Variants in EPHA3 observed in about 807,000 individuals in gnomAD.
The protein encoded by EPHA3 is EPH receptor A3, also known as ephrin type-A receptor 3.
Under a neutral mutation model 107.1 loss-of-function variants are expected in EPHA3, and 42 were observed. That is an observed-to-expected ratio of 0.39 (90% CI 0.31 to 0.51). The LOEUF is 0.51. Ranked by LOEUF, EPHA3 falls within the 20% of genes least tolerant of loss-of-function variation. The pLI is 0.78. For missense variants in EPHA3, 1,183 were observed against 1,211.2 expected, an observed-to-expected ratio of 0.98 and a Z score of 0.35; for synonymous variants, 461 against 424.8, an observed-to-expected ratio of 1.09 and a Z score of -1.05.
chr3:89,341,557 G>T (rs569636985), intron 4 of EPHA3, among the ~76,000 whole-genome samples, 198 bp from the exon 5 acceptor site: 1 of 152,128 alleles, frequency 6.6e-6, no homozygotes, highest in Non-Finnish European at 1.5e-5. Flanking sequence ...TTAAAACTCC[G>T]CCATTCACAG....
intron 3 of EPHA3, among the ~76,000 whole-genome samples, chr3:89,308,586 G>T (rs1450776745): frequency 6.7e-6 from 1 of 148,556 alleles, no homozygotes; most frequent in African/African-American, 2.5e-5. Context: ...ATTATTTATG[G>T]ACTACAGCCA....
At chr3:89,420,433 A>G (rs1413884833) in intron 11 of EPHA3, among the ~76,000 whole-genome samples, 1 of 151,496 alleles carries the variant, frequency 6.6e-6, no homozygotes, top group Non-Finnish European at 1.5e-5. Flanking sequence ...TTCATATATA[A>G]AAAGTGGAAT....
At chr3:89,203,015 C>T (rs555402073) in intron 2 of EPHA3, among the ~76,000 whole-genome samples, 1 of 152,074 alleles carries the variant, frequency 6.6e-6, no homozygotes, top group Non-Finnish European at 1.5e-5. Context: ...GAGTGAAAAA[C>T]CAGATGGGAT....
chr3:89,129,548 T>A (rs1020694325), intron 2 of EPHA3, among the ~76,000 whole-genome samples: 46 of 151,480 alleles, frequency 3.0e-4, no homozygotes, highest in African/African-American at 1.1e-3. Context: ...CATATAAAGT[T>A]AACCATAATA....
chr3:89,343,603 G>A (rs1355607660), intron 5 of EPHA3, among the ~76,000 whole-genome samples: 1 of 152,186 alleles, frequency 6.6e-6, no homozygotes. Context: ...TATAAGCCAT[G>A]GCAGAGTCCA....
chr3:89,474,026 A>G (rs1387158050), intron 16 of EPHA3, among the ~76,000 whole-genome samples: 3 of 152,162 alleles, frequency 2.0e-5, no homozygotes, highest in Non-Finnish European at 4.4e-5. Flanking sequence ...AAATATTTAA[A>G]TATTGTTGAA....
In EPHA3 at chr3:89,282,931, C is replaced by T. The variant is rs560411169; in HGVS notation, c.815-57985C>T. 1.3e-3 allele frequency among the ~76,000 whole-genome samples: 204 copies of T among 152,166 alleles called. 1 individual carries two copies. Among genetic ancestry groups the T allele is most frequent in the African/African-American group, 4.5e-3 (187 of 41,550 alleles). On this transcript the variant is annotated intron_variant, in intron 3 of 16. Coordinates refer to ENST00000336596, the MANE Select transcript of EPHA3 (RefSeq NM_005233.6). ...CCACTGAAAGGCTTTGCCTTTATTT[C>T]GTTGTATTAATCCTTGTGTTGTACA...
At chr3:89,211,666 TTCC>T (rs144015652) in intron 3 of EPHA3, among the ~76,000 whole-genome samples, 112,196 of 147,702 alleles carry the variant, frequency 0.76, 43,546 homozygotes, top group Admixed American at 0.84. Flanking sequence ...CCTCTTCCTC[TTCC>T]TCCTCCTCCT....
At chr3:89,212,315 T>TA (rs1419177046) in intron 3 of EPHA3, among the ~76,000 whole-genome samples, 18 of 152,168 alleles carry the variant, frequency 1.2e-4, no homozygotes, top group African/African-American at 4.1e-4. Context: ...TGCTGGATTT[T>TA]GACAGCATGG....
At chr3:89,311,860 A>G (rs1209237477) in intron 3 of EPHA3, among the ~76,000 whole-genome samples, 2 of 152,056 alleles carry the variant, frequency 1.3e-5, no homozygotes, top group African/African-American at 4.8e-5. Flanking sequence ...AATATTTTGT[A>G]TTTAATGTCT....
chr3:89,288,655 C>T (rs1373504090), intron 3 of EPHA3, among the ~76,000 whole-genome samples: 5 of 152,072 alleles, frequency 3.3e-5, no homozygotes, highest in Admixed American at 2.6e-4. Flanking sequence ...ATATTCCCAT[C>T]ATTAGTTTCA....
intron 2 of EPHA3, among the ~76,000 whole-genome samples, chr3:89,166,368 A>T (rs1203821868): frequency 1.3e-5 from 2 of 152,086 alleles, no homozygotes; most frequent in African/African-American, 4.8e-5. Context: ...AGAAGCACTC[A>T]CTCTACACAT....
At chr3:89,274,043 A>G (rs1396627944) in intron 3 of EPHA3, among the ~76,000 whole-genome samples, 1 of 151,966 alleles carries the variant, frequency 6.6e-6, no homozygotes, top group Non-Finnish European at 1.5e-5. Flanking sequence ...TCAGCTGAGA[A>G]CATGCATGTC....
chr3:89,209,981 C>T lies in EPHA3; in HGVS notation c.275C>T (p.Ala92Val), dbSNP rs539750746. The change falls in exon 3 of 17, where the codon GCT (alanine) becomes GTT (valine). Residue 92 changes from alanine to valine, a missense_variant. Coordinates refer to ENST00000336596, the MANE Select transcript of EPHA3 (RefSeq NM_005233.6). Reference protein sequence around the residue: ...LRTNWVPRNSAQKIYVELKFT... With the variant: ...LRTNWVPRNSVQKIYVELKFT... ...ACAAACTGGGTCCCCAGGAACTCAG[C>T]TCAGAAGATTTATGTGGAGCTCAAG... 22 of 1,613,966 alleles carry T rather than the reference C, an allele frequency of 1.4e-5. 1 individual carries two copies. In the African/African-American group the frequency reaches 1.7e-4, roughly 13 times the overall value.
At chr3:89,219,241 G>T (rs551381277) in intron 3 of EPHA3, among the ~76,000 whole-genome samples, 1 of 151,458 alleles carries the variant, frequency 6.6e-6, no homozygotes, top group Admixed American at 6.6e-5. Flanking sequence ...TCGGCTCACC[G>T]CAACCTCCAC....
At chr3:89,422,019 A>T (rs968571646) in intron 11 of EPHA3, among the ~76,000 whole-genome samples, 1 of 151,220 alleles carries the variant, frequency 6.6e-6, no homozygotes, top group African/African-American at 2.4e-5. Flanking sequence ...GAAGCTGCCA[A>T]ATCTGACTAT....
chr3:89,355,277 CTATTGCTTT>C (rs1331072446), intron 5 of EPHA3, among the ~76,000 whole-genome samples: 22 of 151,306 alleles, frequency 1.5e-4, no homozygotes, highest in African/African-American at 5.3e-4. Context: ...TAGGTCAGAA[CTATTGCTTT>C]ATCTTTCTGT....
chr3:89,282,787 T>C (rs1705981365), intron 3 of EPHA3, among the ~76,000 whole-genome samples: 1 of 152,092 alleles, frequency 6.6e-6, no homozygotes, highest in South Asian at 2.1e-4. Flanking sequence ...TTATGAGAAA[T>C]AAACAGTCTC....
chr3:89,226,646 C>T (rs765906388), intron 3 of EPHA3, among the ~76,000 whole-genome samples: 1 of 152,038 alleles, frequency 6.6e-6, no homozygotes, highest in Non-Finnish European at 1.5e-5. Flanking sequence ...AATAACTTTA[C>T]TTGGTTCAGT....
Sources: allele counts gnomAD v4.1 joint callset (sites outside exome capture counted in the v4.1 genomes callset), GRCh38; gene constraint gnomAD v4.1.1; transcripts MANE v1.5; gene names NCBI Gene and HGNC (gene_info 2026-07-23, HGNC 2026-07-21).